Variants in BABAM2 observed in about 807,000 individuals in gnomAD.
BABAM2 encodes the protein BRISC and BRCA1-A complex member 2.
BABAM2 carries 31 observed loss-of-function variants against 54.7 expected under a neutral mutation model. The ratio of observed to expected loss-of-function variants is 0.57; its 90% CI spans 0.43 to 0.77. The LOEUF (loss-of-function observed/expected upper bound fraction) is 0.77. Among genes scored for constraint, BABAM2 ranks in the 30% least tolerant of loss-of-function variants. The pLI is 0.00. For missense variants in BABAM2, 364 were observed against 455.8 expected, an observed-to-expected ratio of 0.80 and a Z score of 1.83; for synonymous variants, 167 against 162.9, an observed-to-expected ratio of 1.03 and a Z score of -0.19.
chr2:28,254,325 C>T (rs1050694879), intron 10 of BABAM2, among the ~76,000 whole-genome samples: 1 of 152,038 alleles, frequency 6.6e-6, no homozygotes, highest in African/African-American at 2.4e-5. Flanking sequence ...TTTGTAGATA[C>T]GGTGTTTGAC....
Position 28,143,334 on chromosome 2 carries a change from C to G in BABAM2, c.680+13954C>G, listed in dbSNP as rs978306199. Among the ~76,000 whole-genome samples the G allele has an allele frequency of 2.6e-5, 4 of 151,692 alleles. No individual in the cohort carries two copies. In the East Asian group the frequency reaches 7.7e-4, roughly 29 times the overall value. On this transcript the variant is annotated intron_variant, in intron 7 of 11. Transcript: ENST00000379624. ...GAAACAGAGAGTACAACAGTGGTTA[C>G]CAGGGGTGGGGAAGAGGTAGGAAAA...
intron 7 of BABAM2, among the ~76,000 whole-genome samples, chr2:28,186,018 C>G (rs1676242589): frequency 6.6e-6 from 1 of 152,062 alleles, no homozygotes; most frequent in African/African-American, 2.4e-5. Flanking sequence ...CAAAGTAGGA[C>G]TTAGTGTGGG....
intron 6 of BABAM2, among the ~76,000 whole-genome samples, chr2:28,119,738 AACTT>A (rs750001361): frequency 5.3e-5 from 8 of 152,182 alleles, no homozygotes; most frequent in Non-Finnish European, 1.5e-5. Flanking sequence ...ATTAAAAAAA[AACTT>A]ACCCTATTCT....
intron 7 of BABAM2, among the ~76,000 whole-genome samples, chr2:28,168,572 G>C (rs1267126134): frequency 6.6e-6 from 1 of 152,172 alleles, no homozygotes. Flanking sequence ...CATATAAAAA[G>C]GAAGTGGTTA....
intron 3 of BABAM2, among the ~76,000 whole-genome samples, chr2:27,964,205 C>T (rs1160959758): frequency 6.6e-6 from 1 of 152,128 alleles, no homozygotes; most frequent in African/African-American, 2.4e-5. Flanking sequence ...ACCTGCTTTC[C>T]CTTCCATTTC....
At chr2:27,952,342 G>A (rs1315762207) in intron 3 of BABAM2, among the ~76,000 whole-genome samples, 2 of 152,150 alleles carry the variant, frequency 1.3e-5, no homozygotes, top group Non-Finnish European at 2.9e-5. Flanking sequence ...GTCAAGAAAT[G>A]CTTACATTTC....
intron 3 of BABAM2, among the ~76,000 whole-genome samples, chr2:27,952,185 A>C (rs1669780173): frequency 2.0e-5 from 3 of 152,136 alleles, no homozygotes; most frequent in Admixed American, 2.0e-4. Flanking sequence ...TTTTATTTTT[A>C]ACCTATTTGT....
intron 4 of BABAM2, among the ~76,000 whole-genome samples, chr2:27,990,699 T>C (rs922972500): frequency 1.3e-5 from 2 of 152,106 alleles, no homozygotes; most frequent in Non-Finnish European, 2.9e-5. Flanking sequence ...TTCTGTAATA[T>C]ACCTGTATTT....
intron 8 of BABAM2, among the ~76,000 whole-genome samples, chr2:28,238,073 C>T (rs1053143376): frequency 6.6e-6 from 1 of 152,136 alleles, no homozygotes; most frequent in African/African-American, 2.4e-5. Flanking sequence ...TAGTCTCAAA[C>T]TCCTGACTTC....
chr2:28,256,499 G>T (rs1683984528), intron 10 of BABAM2, among the ~76,000 whole-genome samples: 2 of 152,208 alleles, frequency 1.3e-5, no homozygotes, highest in South Asian at 4.1e-4. Flanking sequence ...CTGAATCCAA[G>T]GACGCTTTCA....
chr2:28,011,640 GT>G (rs766709518), intron 4 of BABAM2, among the ~76,000 whole-genome samples: 1 of 152,184 alleles, frequency 6.6e-6, no homozygotes, highest in Non-Finnish European at 1.5e-5. Context: ...CACTAGGGAA[GT>G]CATCTAGGGC....
At position 27,995,699 on chromosome 2, in the gene BABAM2, C is replaced by T. The variant is rs1191597966; in HGVS notation, c.300+7612C>T. On this transcript the variant is annotated intron_variant, in intron 4 of 11. Transcript: ENST00000379624. The surrounding 1 kb of genome is among the most constrained non-coding windows in gnomAD (Gnocchi z 4.1). The stretch of plus-strand genomic sequence containing the variant: ...GGTTCACGCCATTCTCCTGCCTCAG[C>T]CTCCCGAGTAGCTGGGACTACAGGC... Among the ~76,000 whole-genome samples the T allele has an allele frequency of 6.6e-6, 1 of 152,130 alleles. No individual in the cohort carries two copies. The highest frequency in any genetic ancestry group is 1.5e-5 in the Non-Finnish European group (1 of 68,026).
At chr2:27,922,298 C>T (rs1263765315) in intron 2 of BABAM2, among the ~76,000 whole-genome samples, 1 of 152,150 alleles carries the variant, frequency 6.6e-6, no homozygotes, top group African/African-American at 2.4e-5. Context: ...TAGCGCTTGA[C>T]ACTAGAATCT....
In BABAM2 at chr2:27,962,199, G is replaced by C. The variant is rs1490404893; in HGVS notation, c.206-25794G>C. Among the ~76,000 whole-genome samples, 38 of 152,096 alleles carry C rather than the reference G, an allele frequency of 2.5e-4. 1 individual carries two copies. Among genetic ancestry groups the C allele is most frequent in the Admixed American group, 2.4e-3 (37 of 15,262 alleles). ...TAGCTTGCTGCAGCCTCAAACTCCTGGGTTAAAGCAATCCTCCGGCTTCAG... is the reference window on the plus strand; with the variant it reads ...TAGCTTGCTGCAGCCTCAAACTCCTCGGTTAAAGCAATCCTCCGGCTTCAG... On this transcript the variant is annotated intron_variant, in intron 3 of 11. Transcript: ENST00000379624.
chr2:27,992,292 G>C (rs539625019), intron 4 of BABAM2, among the ~76,000 whole-genome samples: 2 of 152,250 alleles, frequency 1.3e-5, no homozygotes, highest in East Asian at 3.9e-4. Context: ...AAAAGACAAA[G>C]AGTCACATCC....
intron 7 of BABAM2, among the ~76,000 whole-genome samples, chr2:28,151,485 C>T (rs147088259): frequency 5.3e-5 from 8 of 152,180 alleles, no homozygotes; most frequent in East Asian, 1.9e-4. Context: ...GCAGAAGAAT[C>T]GCTTGAAACC....
intron 6 of BABAM2, among the ~76,000 whole-genome samples, chr2:28,102,026 A>G (rs1482325850): frequency 6.6e-6 from 1 of 152,180 alleles, no homozygotes; most frequent in African/African-American, 2.4e-5. Flanking sequence ...ACCATTGGAA[A>G]CAAGATAACT....
intron 7 of BABAM2, among the ~76,000 whole-genome samples, chr2:28,172,984 C>G (rs1405935887): frequency 6.6e-6 from 1 of 152,200 alleles, no homozygotes; most frequent in East Asian, 1.9e-4. Flanking sequence ...CAGATGGCAG[C>G]CTTCTCGCCG....
At chr2:28,187,195 A>C (rs72816498) in intron 7 of BABAM2, among the ~76,000 whole-genome samples, 1 of 152,048 alleles carries the variant, frequency 6.6e-6, no homozygotes, top group Non-Finnish European at 1.5e-5. Flanking sequence ...CCTATTTTCT[A>C]TCTCTCATGA....
Sources: gnomAD v4.1 joint callset for allele counts (sites outside exome capture counted in the v4.1 genomes callset) on GRCh38, gnomAD v4.1.1 for gene constraint, Gnocchi (gnomAD v3.1) non-coding constraint, MANE v1.5 for transcripts, NCBI Gene and HGNC (gene_info 2026-07-23, HGNC 2026-07-21) for gene names.